The following RP1 variants were observed in gnomAD, a reference collection of about 807,000 sequenced individuals.
RP1 encodes the protein RP1 axonemal microtubule associated.
A neutral mutation model predicts 14.8 loss-of-function variants in RP1; 16 were observed. That is an observed-to-expected ratio of 1.08 (90% confidence interval 0.73 to 1.65). The LOEUF is 1.65. Among genes scored for constraint, RP1 ranks in the 40% most tolerant of loss-of-function variants. The pLI is 0.00. For missense variants in RP1, 2,631 were observed against 2,535.0 expected (o/e 1.04, Z -0.81); for synonymous variants, 876 against 883.6 (o/e 0.99, Z 0.15).
chr8:54,785,705 G>T (rs1389610018), intron 24 of RP1, among the ~76,000 whole-genome samples: 2 of 151,982 alleles, frequency 1.3e-5, no homozygotes, highest in Non-Finnish European at 2.9e-5. Context: ...GATATTATCT[G>T]TTTTTTGATT....
chr8:54,803,901 C>G (rs1810778448), intron 24 of RP1, among the ~76,000 whole-genome samples: 1 of 151,902 alleles, frequency 6.6e-6, no homozygotes, highest in African/African-American at 2.4e-5. Flanking sequence ...AACCCCGTCT[C>G]TACTAAAAAT....
Position 54,621,032 on chromosome 8 carries a change from A to AC in RP1, c.71dup (p.Arg25SerfsTer37). On this transcript the variant is annotated frameshift_variant, in exon 2 of 4. Coordinates refer to ENST00000220676, the MANE Select transcript of RP1 (RefSeq NM_006269.2). LOFTEE classifies it high-confidence loss of function. ...CTACGTCTTCTGAAGGTCAAGTTCC[A>AC]CCCCCTCGCCATTTGAGCCTCACTC... is the stretch of plus-strand genomic sequence containing the variant. 1 of 1,613,694 alleles carries AC rather than the reference A, an allele frequency of 6.2e-7. No homozygotes were observed.
rs1245987367 is a variant in RP1, at chr8:54,627,121, A to G, written c.3239A>G (p.Lys1080Arg). Reference sequence around the variant, plus strand: ...GATCCTATAGAAGAGGAAACTCCAAAAGACCTCTTACCAGTCCTGATGCTT... The same window carrying G: ...GATCCTATAGAAGAGGAAACTCCAAGAGACCTCTTACCAGTCCTGATGCTT... ...QVDPIEEETPKDLLPVLMLHQ... is the reference protein window; with the variant it reads ...QVDPIEEETPRDLLPVLMLHQ... The change falls in exon 4 of 4, where the codon AAA becomes AGA. Residue 1080 changes from lysine (K) to arginine (R), a missense_variant. Physicochemically the swap from Lys to Arg is conservative, Grantham distance 26 (BLOSUM62 2). Transcript: ENST00000220676. 1 of 1,614,120 alleles carries G rather than the reference A, an allele frequency of 6.2e-7. No individual in the cohort carries two copies. The highest frequency in any genetic ancestry group is 2.2e-5 in the East Asian group (1 of 44,884).
At chr8:54,794,453 C>T (rs1021109060) in intron 24 of RP1, among the ~76,000 whole-genome samples, 13 of 151,768 alleles carry the variant, frequency 8.6e-5, no homozygotes, top group African/African-American at 2.4e-4. Flanking sequence ...CAATGTTTGT[C>T]AATATTTGAC....
At chr8:54,687,214 T>C (rs1010533098) in intron 12 of RP1, among the ~76,000 whole-genome samples, 3 of 152,150 alleles carry the variant, frequency 2.0e-5, no homozygotes, top group African/African-American at 7.2e-5. Context: ...TTTGTATAGG[T>C]GAATGAAGAT....
At chr8:54,585,871 C>T (rs1804908453) in intron 1 of RP1, among the ~76,000 whole-genome samples, 1 of 152,152 alleles carries the variant, frequency 6.6e-6, no homozygotes, top group Non-Finnish European at 1.5e-5. Flanking sequence ...GACTTCTCTG[C>T]ATTGGTTATT....
intron 19 of RP1, among the ~76,000 whole-genome samples, chr8:54,741,873 T>A (rs1414295029): frequency 6.6e-6 from 1 of 151,026 alleles, no homozygotes; most frequent in East Asian, 1.9e-4. Context: ...ATAATAATAA[T>A]GAGTATTTGT....
chr8:54,789,457 T>A (rs373737359), intron 24 of RP1, among the ~76,000 whole-genome samples: 3 of 151,998 alleles, frequency 2.0e-5, no homozygotes, highest in African/African-American at 7.3e-5. Flanking sequence ...TGCCATGACA[T>A]AGAACCCAGC....
At chr8:54,858,289 A>G (rs1339713223) in intron 27 of RP1, among the ~76,000 whole-genome samples, 2 of 152,240 alleles carry the variant, frequency 1.3e-5, no homozygotes, top group Non-Finnish European at 2.9e-5. Flanking sequence ...GGAAATTATT[A>G]GAAAAAAGCA....
chr8:54,581,226 A>G (rs1054823908), intron 1 of RP1, among the ~76,000 whole-genome samples: 10 of 151,738 alleles, frequency 6.6e-5, no homozygotes, highest in African/African-American at 1.9e-4. Flanking sequence ...TCATTGTTCA[A>G]TTCCCACCTA....
Position 54,625,322 on chromosome 8 carries a change from T to C in RP1, c.1440T>C (p.Ile480=). 5.0e-6 allele frequency: 8 copies of C among 1,614,176 alleles called. No homozygotes were observed. Among genetic ancestry groups the C allele is most frequent in the Non-Finnish European group, 6.8e-6 (8 of 1,180,042 alleles). The change falls in exon 4 of 4, where the codon ATT becomes ATC. Residue 480 remains isoleucine (I), a synonymous_variant. Coordinates refer to ENST00000220676, the MANE Select transcript of RP1 (RefSeq NM_006269.2). ...AAACTGAGGTTCAAGAGAAAATGAT[T>C]GGACAGTTTTCATATAGTGAAGAAA... The part of the protein sequence containing the change: ...VSETEVQEKM[I]GQFSYSEERE...
At chr8:54,755,073 T>C in intron 20 of RP1, 1 of 909,212 alleles carries the variant, frequency 1.1e-6, no homozygotes, top group South Asian at 3.3e-5. Context: ...GAAGTGACTT[T>C]TTTAATGTCA....
chr8:54,650,319 G>A (rs1369039570), intron 4 of RP1, among the ~76,000 whole-genome samples: 1 of 152,098 alleles, frequency 6.6e-6, no homozygotes, highest in Non-Finnish European at 1.5e-5. Context: ...TCACAGTTTC[G>A]TTTGTTCTAA....
intron 1 of RP1, among the ~76,000 whole-genome samples, chr8:54,576,356 G>A (rs190737141): frequency 6.6e-6 from 1 of 151,364 alleles, no homozygotes; most frequent in East Asian, 1.9e-4. Flanking sequence ...GAACATGTCA[G>A]ACTCTTAACA....
intron 5 of RP1, among the ~76,000 whole-genome samples, chr8:54,654,713 T>C (rs572724304): frequency 6.6e-6 from 1 of 152,290 alleles, no homozygotes; most frequent in East Asian, 1.9e-4. Context: ...AGTAGCACGA[T>C]CATGGCTCAC....
At chr8:54,651,815 A>C (rs1018480471) in intron 4 of RP1, among the ~76,000 whole-genome samples, 2 of 151,948 alleles carry the variant, frequency 1.3e-5, no homozygotes, top group African/African-American at 4.8e-5. Context: ...TTAAGATGTA[A>C]AGTTAGGTTA....
At chr8:54,831,361 T>C (rs992982164) in intron 24 of RP1, among the ~76,000 whole-genome samples, 1 of 151,562 alleles carries the variant, frequency 6.6e-6, no homozygotes, top group Admixed American at 6.6e-5. Flanking sequence ...TATTAATTTG[T>C]TTCTCCTTTC....
rs771766064 is a variant in RP1 at position 54,628,680 on chromosome 8, A to G, written c.4798A>G (p.Ser1600Gly). The change falls in exon 4 of 4, where the codon AGT (serine) becomes GGT (glycine). Residue 1600 changes from serine (S) to glycine (G), a missense_variant. Coordinates refer to ENST00000220676, the MANE Select transcript of RP1 (RefSeq NM_006269.2). Reference protein sequence around the residue: ...DWSDYRPDSDSEQPYKTSSDD... With the variant: ...DWSDYRPDSDGEQPYKTSSDD... ...GTCAGACTATCGGCCTGACAGTGAC[A>G]GTGAGCAGCCATATAAAACATCCAG... 12 of 1,614,112 alleles carry G rather than the reference A, an allele frequency of 7.4e-6. No homozygotes were observed. In the South Asian group the frequency reaches 1.3e-4, roughly 18 times the overall value.
intron 22 of RP1, among the ~76,000 whole-genome samples, chr8:54,765,665 C>T (rs1299969464): frequency 6.6e-6 from 1 of 152,190 alleles, no homozygotes; most frequent in Non-Finnish European, 1.5e-5. Context: ...TCTTTTCCCT[C>T]ATTTGTTTTA....
Sources: allele counts gnomAD v4.1 joint callset (sites outside exome capture counted in the v4.1 genomes callset), GRCh38; gene constraint gnomAD v4.1.1; transcripts MANE v1.5; gene names NCBI Gene and HGNC (gene_info 2026-07-23, HGNC 2026-07-21).